DLGAP2: variants seen among roughly 807,000 people sequenced by gnomAD.
DLGAP2 encodes the protein DLG associated protein 2.
Under a neutral mutation model 100.3 loss-of-function variants are expected in DLGAP2, and 26 were observed. That is an observed-to-expected ratio of 0.26 (90% CI 0.19 to 0.36). The LOEUF (loss-of-function observed/expected upper bound fraction) is 0.36. DLGAP2 is among the 10% of genes least tolerant of loss of function. The probability of loss-of-function intolerance (pLI) is 1.00; values close to 1 mark genes in which losing one functional copy is unlikely to be tolerated. For missense variants in DLGAP2, 1,858 were observed against 1,453.2 expected, an observed-to-expected ratio of 1.28 and a Z score of -4.53; for synonymous variants, 886 against 630.1, an observed-to-expected ratio of 1.41 and a Z score of -6.08.
chr8:1,122,342 A>G (rs1240899918), intron 2 of DLGAP2, among the ~76,000 whole-genome samples: 1 of 152,132 alleles, frequency 6.6e-6, no homozygotes, highest in African/African-American at 2.4e-5. Flanking sequence ...GTCACTGGTG[A>G]CACATGAGAT....
intron 2 of DLGAP2, among the ~76,000 whole-genome samples, chr8:1,204,848 A>G (rs964693950): frequency 6.6e-6 from 1 of 152,246 alleles, no homozygotes; most frequent in Non-Finnish European, 1.5e-5. Flanking sequence ...GAACTAAATT[A>G]CAGATGGCCT....
At chr8:1,411,134 C>G (rs963389249) in intron 3 of DLGAP2, among the ~76,000 whole-genome samples, 1 of 152,080 alleles carries the variant, frequency 6.6e-6, no homozygotes, top group African/African-American at 2.4e-5. Context: ...TTCTGGAAAC[C>G]CAACATCTCC....
At chr8:1,696,731 G>C in intron 13 of DLGAP2, among the ~76,000 whole-genome samples, 1 of 152,186 alleles carries the variant, frequency 6.6e-6, no homozygotes, top group East Asian at 1.9e-4. Flanking sequence ...CAGAGAACAA[G>C]CAGGTATAGA....
rs113527381 is a variant in DLGAP2, at chr8:1,521,265, T to G, written c.172+19834T>G. ...CACACTTGTTTTAATTTGGAATACT[T>G]GGGGGCAGGTGATATGGGGCATCTC... On this transcript the variant is annotated intron_variant, in intron 4 of 14. Coordinates refer to ENST00000637795, the MANE Select transcript of DLGAP2 (RefSeq NM_001346810.2). Among the ~76,000 whole-genome samples the G allele has an allele frequency of 2.7e-5, 2 of 73,578 alleles. 1 individual carries two copies. The highest frequency in any genetic ancestry group is 5.5e-5 in the Non-Finnish European group (2 of 36,066). 48.3% of individuals were successfully genotyped at this position (73,578 alleles called of 152,430 possible). A position where few individuals can be genotyped will look rare whatever the true frequency, so the allele number is the denominator to read the frequency against.
In DLGAP2 at chr8:1,272,566, AT is replaced by A. The variant is rs1175726957; in HGVS notation, c.106+13687del. Among the ~76,000 whole-genome samples the A allele has an allele frequency of 2.0e-5, 3 of 152,290 alleles. No homozygotes were observed. The East Asian group carries it at 5.8e-4, about 29-fold the overall frequency. ...CTATATATCATACAAATTCTGTAAC[AT>A]TTTAAACTTTGTTTTATGATCATGC... On this transcript the variant is annotated intron_variant, in intron 3 of 14. Coordinates refer to ENST00000637795, the MANE Select transcript of DLGAP2 (RefSeq NM_001346810.2).
chr8:1,428,592 A>G (rs1362673169), intron 3 of DLGAP2, among the ~76,000 whole-genome samples: 2 of 152,250 alleles, frequency 1.3e-5, no homozygotes, highest in Non-Finnish European at 2.9e-5. Context: ...AATATTAAAT[A>G]AGACATTAGA....
chr8:1,326,893 T>C (rs1801034883), intron 3 of DLGAP2, among the ~76,000 whole-genome samples: 1 of 152,154 alleles, frequency 6.6e-6, no homozygotes, highest in Non-Finnish European at 1.5e-5. Context: ...ACAGTGACAA[T>C]ACAGGGAGAA....
intron 5 of DLGAP2, among the ~76,000 whole-genome samples, chr8:1,556,243 C>T (rs1801961001): frequency 6.6e-6 from 1 of 152,200 alleles, no homozygotes; most frequent in Non-Finnish European, 1.5e-5. Flanking sequence ...TGCAGGAGTG[C>T]AGGTAGATGG....
intron 3 of DLGAP2, among the ~76,000 whole-genome samples, chr8:1,462,939 A>C (rs1028007748): frequency 1.3e-5 from 2 of 152,202 alleles, no homozygotes; most frequent in Non-Finnish European, 2.9e-5. Context: ...TTCCATGAGA[A>C]GTTGGAAGTA....
chr8:1,206,365 G>A (rs374601607), intron 2 of DLGAP2, among the ~76,000 whole-genome samples: 1 of 147,244 alleles, frequency 6.8e-6, no homozygotes, highest in Non-Finnish European at 1.5e-5. Flanking sequence ...TCCGTGGACT[G>A]GGGTAGACTG....
intron 2 of DLGAP2, among the ~76,000 whole-genome samples, chr8:1,164,486 G>A (rs1260803099): frequency 6.6e-6 from 1 of 152,080 alleles, no homozygotes; most frequent in Non-Finnish European, 1.5e-5. Flanking sequence ...CGTCCTGTTG[G>A]GGGAGTTAAC....
rs575782256 is a variant in DLGAP2, at chr8:1,532,738, C to T, written c.173-15888C>T. Among the ~76,000 whole-genome samples, 8 of 152,226 alleles carry T rather than the reference C, an allele frequency of 5.3e-5. No homozygotes were observed. In the East Asian group the frequency reaches 1.3e-3, roughly 26 times the overall value. On this transcript the variant is annotated intron_variant, in intron 4 of 14. Transcript: ENST00000637795. ...TTTAAAATAGGTAGAAAGGAAAGAT[C>T]GGGTTTGTGAAAATACTCTTTCTCT...
chr8:1,369,623 G>C (rs1802189964), intron 3 of DLGAP2: 1 of 152,224 alleles, frequency 6.6e-6, no homozygotes, highest in Non-Finnish European at 1.5e-5. Flanking sequence ...TCCTTTAGGT[G>C]GAATGCATGA....
intron 2 of DLGAP2, among the ~76,000 whole-genome samples, chr8:954,923 G>A (rs184188674): frequency 1.2e-4 from 19 of 152,232 alleles, no homozygotes; most frequent in African/African-American, 4.1e-4. Flanking sequence ...AATTTTAATG[G>A]TCTTTCCATT....
chr8:1,053,049 GAATTTACATGT>G (rs1349468199), intron 2 of DLGAP2, among the ~76,000 whole-genome samples: 4 of 152,196 alleles, frequency 2.6e-5, no homozygotes, highest in African/African-American at 7.2e-5. Context: ...GCTGCCCCTT[GAATTTACATGT>G]GGAGTAACAA....
At chr8:863,298 T>C (rs1797427636) in intron 1 of DLGAP2, among the ~76,000 whole-genome samples, 2 of 152,218 alleles carry the variant, frequency 1.3e-5, no homozygotes, top group African/African-American at 4.8e-5. Context: ...TGGATTTCCT[T>C]GTAAGTAAAC....
chr8:833,364 G>A (rs1796815726), intron 1 of DLGAP2, among the ~76,000 whole-genome samples: 1 of 152,182 alleles, frequency 6.6e-6, no homozygotes, highest in Non-Finnish European at 1.5e-5. Flanking sequence ...TCCAACAGGA[G>A]TCTTGCTGGG....
intron 1 of DLGAP2, among the ~76,000 whole-genome samples, chr8:762,262 T>C (rs1357178200): frequency 6.6e-6 from 1 of 152,186 alleles, no homozygotes; most frequent in African/African-American, 2.4e-5. Context: ...GTTTACTTTT[T>C]ATGTGCAACT....
At chr8:909,967 C>T (rs957221298) in intron 2 of DLGAP2, among the ~76,000 whole-genome samples, 2 of 152,156 alleles carry the variant, frequency 1.3e-5, no homozygotes, top group Non-Finnish European at 2.9e-5. Context: ...CTTGTAAGGG[C>T]GACTGTAATT....
Sources: allele counts gnomAD v4.1 joint callset (sites outside exome capture counted in the v4.1 genomes callset), GRCh38; gene constraint gnomAD v4.1.1; transcripts MANE v1.5; gene names NCBI Gene and HGNC (gene_info 2026-07-23, HGNC 2026-07-21).